The following BEGAIN variants were observed in gnomAD, a reference collection of about 807,000 sequenced individuals.
The protein encoded by BEGAIN is brain-enriched guanylate kinase-associated protein.
A neutral mutation model predicts 35.8 loss-of-function variants in BEGAIN; 19 were observed. The observed-to-expected ratio is 0.53, with a 90% CI of 0.37 to 0.78. BEGAIN has a LOEUF of 0.78. Among genes scored for constraint, BEGAIN ranks in the 30% least tolerant of loss-of-function variants. The probability of loss-of-function intolerance (pLI) is 0.00; values close to 1 mark genes in which losing one functional copy is unlikely to be tolerated. For missense variants in BEGAIN, 795 were observed against 853.6 expected (o/e 0.93, Z 0.85); for synonymous variants, 462 against 388.6 (o/e 1.19, Z -2.22).
At chr14:100,581,985 C>T (rs1297165826) in intron 1 of BEGAIN, among the ~76,000 whole-genome samples, 2 of 152,248 alleles carry the variant, frequency 1.3e-5, no homozygotes, top group Non-Finnish European at 2.9e-5. Flanking sequence ...AGCAGCTACC[C>T]CGCTTCACGG....
intron 1 of BEGAIN, among the ~76,000 whole-genome samples, chr14:100,579,618 A>C (rs1379784491): frequency 6.6e-6 from 1 of 152,164 alleles, no homozygotes; most frequent in Non-Finnish European, 1.5e-5. Flanking sequence ...ATAGCTGTAC[A>C]TCTGGGCTCT....
chr14:100,538,668 C>T lies in BEGAIN; in HGVS notation c.1140G>A (p.Glu380=). The T allele has an allele frequency of 6.4e-7, 1 of 1,551,014 alleles. No individual in the cohort carries two copies. Residue 380 remains glutamate (E), a synonymous_variant, in exon 7 of 7, where the codon GAG becomes GAA. Transcript: ENST00000554140. ...KATAAVAAPL[E]AEVAPGFGRT... is the part of the protein sequence containing the mutation. ...GCCCGAAGCCTGGGGCCACTTCGGC[C>T]TCCAGCGGGGCCGCCACCGCGGCCG...
chr14:100,581,028 C>G (rs1367826368), intron 1 of BEGAIN, among the ~76,000 whole-genome samples: 1 of 151,962 alleles, frequency 6.6e-6, no homozygotes, highest in African/African-American at 2.4e-5. Context: ...AGCCCCTGCC[C>G]TATTACCAGT....
At chr14:100,549,569 T>A (rs2032962512) in intron 2 of BEGAIN, 1 of 152,300 alleles carries the variant, frequency 6.6e-6, no homozygotes, top group Non-Finnish European at 1.5e-5. Flanking sequence ...TAGTACCTCC[T>A]TCCCTGTCCA....
intron 2 of BEGAIN, among the ~76,000 whole-genome samples, chr14:100,555,187 C>A (rs1227399103): frequency 6.6e-6 from 1 of 152,266 alleles, no homozygotes; most frequent in Non-Finnish European, 1.5e-5. Context: ...CTTCTGCCCC[C>A]CGCCAGGGCC....
At chr14:100,560,007 G>A (rs751922952) in intron 2 of BEGAIN, among the ~76,000 whole-genome samples, 13 of 152,168 alleles carry the variant, frequency 8.5e-5, no homozygotes, top group Non-Finnish European at 1.6e-4. Context: ...GTGGTGTCTA[G>A]GATCCCCCAA....
Position 100,546,806 on chromosome 14 carries a change from A to T in BEGAIN, c.72-144T>A, listed in dbSNP as rs568297636. ...CACACACACACACACACACACACAC[A>T]CACACACTCACACACACCCAGCCTC... is the stretch of plus-strand genomic sequence containing the variant. On this transcript the variant is annotated intron_variant, in intron 2 of 6. Transcript: ENST00000554140. 4,692 of 594,668 alleles carry T rather than the reference A, an allele frequency of 7.9e-3. 186 individuals are homozygous for T. In the African/African-American group the frequency reaches 0.092, roughly 12 times the overall value. The allele number at this position is 594,668 out of a possible 1,614,324, so 36.8% of individuals were successfully genotyped here. A position where few individuals can be genotyped will look rare whatever the true frequency, so the allele number is the denominator to read the frequency against.
Position 100,563,973 on chromosome 14 carries a change from T to C in BEGAIN, c.71+3938A>G, listed in dbSNP as rs2034484379. Among the ~76,000 whole-genome samples, 1 of 152,052 alleles carries C rather than the reference T, an allele frequency of 6.6e-6. No homozygotes were observed. Among genetic ancestry groups the C allele is most frequent in the Non-Finnish European group, 1.5e-5 (1 of 68,020 alleles). ...TCCCAAAGCAGGCAACATACAACCA[T>C]CTCTGCTGGGGATGCCCTCTCAGGT... On this transcript the variant is annotated intron_variant, in intron 2 of 6. Coordinates refer to ENST00000554140, the MANE Select transcript of BEGAIN (RefSeq NM_001385089.1). The surrounding 1 kb of genome is among the most constrained non-coding windows in gnomAD (Gnocchi z 4.2).
In BEGAIN at chr14:100,543,978, C is replaced by T. The variant is rs202019599; in HGVS notation, c.301-13G>A. ...CATAGTGCTGGCCCTGGGGGTGGGA[C>T]AGTGGGAGGAGGAGGCCCGTGGTTG... On this transcript the variant is annotated splice_polypyrimidine_tract_variant and intron_variant, in intron 4 of 6. Transcript: ENST00000554140. 74 of 1,596,482 alleles carry T rather than the reference C, an allele frequency of 4.6e-5. No homozygotes were observed. The African/African-American group carries it at 9.1e-4, about 20-fold the overall frequency.
chr14:100,580,795 C>T (rs994992465), intron 1 of BEGAIN, among the ~76,000 whole-genome samples: 2 of 152,178 alleles, frequency 1.3e-5, no homozygotes, highest in African/African-American at 2.4e-5. Flanking sequence ...GTGCTCAATG[C>T]GTAGTTCTTG....
chr14:100,562,879 G>A (rs1176532564), intron 2 of BEGAIN, among the ~76,000 whole-genome samples: 4 of 152,238 alleles, frequency 2.6e-5, no homozygotes, highest in South Asian at 2.1e-4. Flanking sequence ...TAGAAGATTC[G>A]CCTGTGCAGT....
chr14:100,552,617 C>G (rs1481235382), intron 2 of BEGAIN, among the ~76,000 whole-genome samples: 1 of 152,184 alleles, frequency 6.6e-6, no homozygotes, highest in East Asian at 1.9e-4. Flanking sequence ...TGCTGAGAGG[C>G]CTGCCGAAGT....
At chr14:100,571,987 C>A (rs1003912958) in intron 1 of BEGAIN, among the ~76,000 whole-genome samples, 1 of 152,194 alleles carries the variant, frequency 6.6e-6, no homozygotes, top group African/African-American at 2.4e-5. Context: ...GGCATGGAAG[C>A]CCTGCGGTGA....
At chr14:100,554,043 G>A (rs2033464580) in intron 2 of BEGAIN, among the ~76,000 whole-genome samples, 1 of 152,210 alleles carries the variant, frequency 6.6e-6, no homozygotes, top group Non-Finnish European at 1.5e-5. Flanking sequence ...GGGGGCCACC[G>A]GGCCCATGCC....
At chr14:100,564,790 G>T (rs2034558856) in intron 2 of BEGAIN, among the ~76,000 whole-genome samples, 2 of 152,094 alleles carry the variant, frequency 1.3e-5, no homozygotes, top group South Asian at 2.1e-4. Context: ...GTTCTCTGGG[G>T]TGCCCATCTG....
At chr14:100,584,636 C>T (rs1184746714) in intron 1 of BEGAIN, among the ~76,000 whole-genome samples, 1 of 152,190 alleles carries the variant, frequency 6.6e-6, no homozygotes, top group Non-Finnish European at 1.5e-5. Flanking sequence ...CACCTCTGGC[C>T]AGCTTCTCCC....
intron 1 of BEGAIN, among the ~76,000 whole-genome samples, chr14:100,574,863 T>C (rs920669628): frequency 1.3e-5 from 2 of 152,198 alleles, no homozygotes; most frequent in African/African-American, 2.4e-5. Context: ...GGGGGTGCTG[T>C]CATGACCCCA....
At chr14:100,544,019 AC>A in intron 4 of BEGAIN, 54 bp from the exon 5 acceptor site, 2 of 1,380,168 alleles carry the variant, frequency 1.4e-6, no homozygotes, top group Non-Finnish European at 2.0e-6. Flanking sequence ...TGGTGAGCCA[AC>A]CCAGTCGCTC....
At chr14:100,576,328 G>C (rs2035201161) in intron 1 of BEGAIN, among the ~76,000 whole-genome samples, 2 of 152,176 alleles carry the variant, frequency 1.3e-5, no homozygotes, top group Admixed American at 6.5e-5. Context: ...AAGTGCCTGG[G>C]CCCAACCCGG....
Sources: allele counts gnomAD v4.1 joint callset (sites outside exome capture counted in the v4.1 genomes callset), GRCh38; gene constraint gnomAD v4.1.1; non-coding constraint Gnocchi (gnomAD v3.1); transcripts MANE v1.5; gene names NCBI Gene and HGNC (gene_info 2026-07-23, HGNC 2026-07-21).